The following CBX7 variants were observed in gnomAD, a reference collection of about 807,000 sequenced individuals.
CBX7 encodes the protein chromobox protein homolog 7.
CBX7 carries 14 observed loss-of-function variants against 31.4 expected under a neutral mutation model. The ratio of observed to expected loss-of-function variants is 0.45; its 90% CI spans 0.29 to 0.70. The LOEUF is 0.70. Ranked by LOEUF, CBX7 falls within the 30% of genes least tolerant of loss-of-function variation. CBX7 has a pLI of 0.11. For missense variants in CBX7, 269 were observed against 351.9 expected, an observed-to-expected ratio of 0.76 and a Z score of 1.89; for synonymous variants, 159 against 152.6, an observed-to-expected ratio of 1.04 and a Z score of -0.31.
At chr22:39,134,821 G>A (rs1392235456) in intron 4 of CBX7, 69 bp from the exon 5 acceptor site, 1 of 977,306 alleles carries the variant, frequency 1.0e-6, no homozygotes, top group Non-Finnish European at 1.4e-6. Flanking sequence ...TGCTCATGCT[G>A]TTCCTCCCAC....
At chr22:39,137,291 G>A (rs1387594108) in intron 4 of CBX7, among the ~76,000 whole-genome samples, 1 of 134,436 alleles carries the variant, frequency 7.4e-6, no homozygotes, top group African/African-American at 2.8e-5. Flanking sequence ...CATCATTTTG[G>A]TGCTCAAAAT....
chr22:39,145,590 G>T (rs1276592698), intron 2 of CBX7, among the ~76,000 whole-genome samples: 1 of 151,688 alleles, frequency 6.6e-6, no homozygotes, highest in South Asian at 2.1e-4. Context: ...GTCTGCACTG[G>T]GCTCGCGGCG....
intron 1 of CBX7, among the ~76,000 whole-genome samples, chr22:39,150,903 C>T (rs1335562146): frequency 1.3e-5 from 2 of 152,224 alleles, no homozygotes. Flanking sequence ...TCTCCACTGG[C>T]ACCTTGCAGT....
At chr22:39,151,387 G>A (rs190081882) in intron 1 of CBX7, among the ~76,000 whole-genome samples, 163 of 152,284 alleles carry the variant, frequency 1.1e-3, no homozygotes, top group Non-Finnish European at 2.2e-4. Context: ...AAGAAGATGG[G>A]CTGCCAATCA....
chr22:39,140,268 T>C (rs955667543), intron 3 of CBX7, among the ~76,000 whole-genome samples: 22 of 152,146 alleles, frequency 1.4e-4, no homozygotes, highest in Admixed American at 1.2e-3. Context: ...AAAGGGAAAG[T>C]GTCCCTGGTG....
intron 4 of CBX7, among the ~76,000 whole-genome samples, chr22:39,137,757 C>T (rs115146517): frequency 1.0e-3 from 157 of 152,264 alleles, no homozygotes; most frequent in African/African-American, 3.6e-3. Context: ...CCAAGACCTA[C>T]GACGTGGGTA....
intron 2 of CBX7, among the ~76,000 whole-genome samples, chr22:39,144,115 T>C (rs1200695527): frequency 6.6e-6 from 1 of 151,998 alleles, no homozygotes; most frequent in African/African-American, 2.4e-5. Context: ...CCTTACAGTA[T>C]CCCGGGAACT....
chr22:39,138,134 TCG>T (rs1281461846), intron 4 of CBX7, among the ~76,000 whole-genome samples: 7 of 140,740 alleles, frequency 5.0e-5, no homozygotes, highest in South Asian at 2.2e-4. Flanking sequence ...TGAGCCAAGA[TCG>T]CGCGCCACTG....
intron 2 of CBX7, among the ~76,000 whole-genome samples, chr22:39,142,483 C>T (rs1930495537): frequency 6.6e-6 from 1 of 152,162 alleles, no homozygotes; most frequent in Non-Finnish European, 1.5e-5. Flanking sequence ...TACAGGGGAT[C>T]TTCTACCCTC....
Position 39,133,869 on chromosome 22 carries a change from T to C in CBX7, c.*22A>G. 1 of 1,585,022 alleles carries C rather than the reference T, an allele frequency of 6.3e-7. No homozygotes were observed. The highest frequency in any genetic ancestry group is 8.6e-7 in the Non-Finnish European group (1 of 1,161,282). ...ACCCCAAGCCCAAAAGAAAACAGTT[T>C]AAGAAGAGTAAAAACGGTGATTCAG... is the stretch of plus-strand genomic sequence containing the variant. On this transcript the variant is annotated 3_prime_UTR_variant, in exon 6 of 6. Transcript: ENST00000216133.
Position 39,152,303 on chromosome 22 carries a change from G to GC in CBX7, c.69+72dup. 2.9e-6 allele frequency: 3 copies of GC among 1,028,264 alleles called. No individual in the cohort carries two copies. Among genetic ancestry groups the GC allele is most frequent in the Non-Finnish European group, 3.8e-6 (3 of 789,792 alleles). The allele number at this position is 1,028,264 out of a possible 1,614,324, so 63.7% of individuals were successfully genotyped here. On this transcript the variant is annotated intron_variant, in intron 1 of 5. Transcript: ENST00000216133. This position sits in a 1 kb window ranked among gnomAD's most constrained non-coding sequence, Gnocchi z 4.9. ...CGCCCCGCTTTCCCCTTCAGCCCCA[G>GC]CGTGGAGGGAGCGGTGCTGGGGACG...
intron 1 of CBX7, among the ~76,000 whole-genome samples, chr22:39,150,893 T>C (rs576703516): frequency 6.6e-6 from 1 of 152,326 alleles, no homozygotes; most frequent in East Asian, 1.9e-4. Flanking sequence ...TCCCATGCTG[T>C]CTCCACTGGC....
In CBX7 at chr22:39,133,996, T is replaced by C. The variant is rs768514815; in HGVS notation, c.651A>G (p.Ser217=). Residue 217 remains serine, a synonymous_variant, in exon 6 of 6, where the codon TCA becomes TCG. Coordinates refer to ENST00000216133, the MANE Select transcript of CBX7 (RefSeq NM_175709.5). ...GPPPWTPALP[S]SEVTVTDITA... is the part of the protein sequence containing the mutation. ...TGATGTCGGTCACGGTCACCTCACT[T>C]GAGGGGAGCGCAGGTGTCCAGGGAG... 6.2e-7 allele frequency: 1 copy of C among 1,613,252 alleles called. No individual in the cohort carries two copies. Among genetic ancestry groups the C allele is most frequent in the Non-Finnish European group, 8.5e-7 (1 of 1,179,558 alleles).
chr22:39,141,073 G>C (rs1442195491), intron 3 of CBX7: 1 of 368,368 alleles, frequency 2.7e-6, no homozygotes, highest in Non-Finnish European at 5.0e-6. Context: ...GCCCCTCTGA[G>C]GTTTCACCCT....
At chr22:39,150,341 C>G (rs961879822) in intron 1 of CBX7, among the ~76,000 whole-genome samples, 1 of 152,172 alleles carries the variant, frequency 6.6e-6, no homozygotes, top group Non-Finnish European at 1.5e-5. Context: ...GGTAATGGGC[C>G]AGTGACTTGA....
rs1434509721 is a variant in CBX7, at chr22:39,138,616, C to T, written c.246+20G>A. 22 of 1,613,414 alleles carry T rather than the reference C, an allele frequency of 1.4e-5. No homozygotes were observed. Among genetic ancestry groups the T allele is most frequent in the Non-Finnish European group, 1.9e-5 (22 of 1,179,344 alleles). On this transcript the variant is annotated intron_variant, in intron 4 of 5. Coordinates refer to ENST00000216133, the MANE Select transcript of CBX7 (RefSeq NM_175709.5). ...GGGTTGGGCAGGGGGAGAAAGGAGG[C>T]ACAAAGGCAGGCTGGTTACCTGCAG... is the stretch of plus-strand genomic sequence containing the variant.
At chr22:39,143,905 A>G (rs556298347) in intron 2 of CBX7, among the ~76,000 whole-genome samples, 1 of 152,346 alleles carries the variant, frequency 6.6e-6, no homozygotes, top group East Asian at 1.9e-4. Flanking sequence ...GCATTTCTCA[A>G]AATGTATCCT....
At chr22:39,151,839 G>A (rs1044742408) in intron 1 of CBX7, among the ~76,000 whole-genome samples, 5 of 142,400 alleles carry the variant, frequency 3.5e-5, no homozygotes, top group African/African-American at 1.3e-4. Flanking sequence ...CCTGGGCTAG[G>A]AGTTGAGGTG....
At chr22:39,146,142 C>T (rs932451351) in intron 2 of CBX7, among the ~76,000 whole-genome samples, 3 of 152,230 alleles carry the variant, frequency 2.0e-5, no homozygotes, top group African/African-American at 7.2e-5. Context: ...GCTCTGGGGC[C>T]TCATCCTAAA....
Sources: gnomAD v4.1 joint callset for allele counts (sites outside exome capture counted in the v4.1 genomes callset) on GRCh38, gnomAD v4.1.1 for gene constraint, Gnocchi (gnomAD v3.1) non-coding constraint, MANE v1.5 for transcripts, NCBI Gene and HGNC (gene_info 2026-07-23, HGNC 2026-07-21) for gene names.